The following SLC7A14 variants were observed in gnomAD, a reference collection of about 807,000 sequenced individuals.
SLC7A14 encodes the protein solute carrier family 7 member 14, also known as gamma-aminobutyric acid transporter SLC7A14.
Under a neutral mutation model 60.2 loss-of-function variants are expected in SLC7A14, and 37 were observed. That is an observed-to-expected ratio of 0.61 (90% CI 0.47 to 0.81). SLC7A14 has a LOEUF of 0.81. SLC7A14 is among the 30% of genes least tolerant of loss of function. SLC7A14 has a pLI of 0.00. For synonymous variants in SLC7A14, 399 were observed against 395.8 expected (o/e 1.01, Z -0.10); for missense variants, 886 against 982.7 (o/e 0.90, Z 1.32).
chr3:170,481,724 T>C (rs967935993), intron 6 of SLC7A14, among the ~76,000 whole-genome samples: 49 of 152,148 alleles, frequency 3.2e-4, no homozygotes, highest in Non-Finnish European at 3.7e-4. Flanking sequence ...TAAGGCAAAG[T>C]TCTTTAGTAA....
chr3:170,579,444 A>T (rs1715179708), intron 1 of SLC7A14, among the ~76,000 whole-genome samples: 2 of 152,364 alleles, frequency 1.3e-5, no homozygotes, highest in East Asian at 1.9e-4. Context: ...AAATTTTTTT[A>T]AAATGAAGAG....
At chr3:170,469,642 G>A (rs1449815070) in intron 7 of SLC7A14, among the ~76,000 whole-genome samples, 4 of 152,070 alleles carry the variant, frequency 2.6e-5, no homozygotes, top group African/African-American at 9.7e-5. Flanking sequence ...TGGATTTCAG[G>A]CGACCAGGCA....
intron 2 of SLC7A14, among the ~76,000 whole-genome samples, 165 bp from the exon 3 acceptor site, chr3:170,501,510 A>G (rs1040793525): frequency 6.6e-6 from 1 of 152,210 alleles, no homozygotes; most frequent in African/African-American, 2.4e-5. Flanking sequence ...ACCTCTTCCA[A>G]CCTCACTTCT....
At chr3:170,504,060 G>T (rs1712693189) in intron 2 of SLC7A14, among the ~76,000 whole-genome samples, 1 of 152,148 alleles carries the variant, frequency 6.6e-6, no homozygotes, top group Admixed American at 6.5e-5. Context: ...CACTGTAAAA[G>T]ATCTTATAAT....
At chr3:170,569,010 C>G (rs1354794588) in intron 1 of SLC7A14, among the ~76,000 whole-genome samples, 1 of 152,012 alleles carries the variant, frequency 6.6e-6, no homozygotes, top group Non-Finnish European at 1.5e-5. Context: ...ATTTCCTTCC[C>G]CTGCCTAATT....
chr3:170,481,114 C>T lies in SLC7A14; in HGVS notation c.1168G>A (p.Val390Met), dbSNP rs142416793. The change falls in exon 7 of 8, where the codon GTG becomes ATG. Residue 390 changes from valine to methionine, a missense_variant. By Grantham distance (21) the Val-to-Met change is conservative. Coordinates refer to ENST00000231706, the MANE Select transcript of SLC7A14 (RefSeq NM_020949.3). Reference sequence around the variant, plus strand: ...AGGAGCGCTGCCAGGAACCCCGACACGATGCAGGCCACCACTGGTGTCTCT... The same window carrying T: ...AGGAGCGCTGCCAGGAACCCCGACATGATGCAGGCCACCACTGGTGTCTCT... Reference protein sequence around the residue: ...YTETPVVACIVSGFLAALLAL... With the variant: ...YTETPVVACIMSGFLAALLAL... The T allele has an allele frequency of 6.8e-6, 11 of 1,613,886 alleles. No individual in the cohort carries two copies. The highest frequency in any genetic ancestry group is 5.3e-5 in the African/African-American group (4 of 74,878).
chr3:170,517,028 C>A (rs537579966), intron 2 of SLC7A14, among the ~76,000 whole-genome samples: 2 of 152,160 alleles, frequency 1.3e-5, no homozygotes, highest in East Asian at 3.9e-4. Flanking sequence ...AGCAAAACTG[C>A]TTGTTTAGTT....
chr3:170,581,881 C>G (rs1196511898), intron 1 of SLC7A14, among the ~76,000 whole-genome samples: 1 of 152,090 alleles, frequency 6.6e-6, no homozygotes, highest in African/African-American at 2.4e-5. Context: ...GACTCCAAGT[C>G]TTATATTCTT....
At chr3:170,540,575 T>C (rs1713992276) in intron 1 of SLC7A14, among the ~76,000 whole-genome samples, 1 of 152,156 alleles carries the variant, frequency 6.6e-6, no homozygotes, top group Non-Finnish European at 1.5e-5. Flanking sequence ...ATTTCTAGCT[T>C]CTGGTGTCTC....
At position 170,583,496 on chromosome 3, in the gene SLC7A14, A is replaced by G. The variant is rs184189123; in HGVS notation, c.-153+2415T>C. On this transcript the variant is annotated intron_variant, in intron 1 of 7. Transcript: ENST00000231706. ...AGTATGGAAGAGTATTTCAGACACC[A>G]TGAAATAGTGGGAAAGGCCCTGGGC... is the stretch of plus-strand genomic sequence containing the variant. Among the ~76,000 whole-genome samples the G allele has an allele frequency of 2.4e-3, 365 of 152,376 alleles. 10 individuals are homozygous for G. Among genetic ancestry groups the G allele is most frequent in the Admixed American group, 0.022 (330 of 15,308 alleles).
At chr3:170,483,846 A>G in intron 5 of SLC7A14, among the ~76,000 whole-genome samples, 1 of 152,188 alleles carries the variant, frequency 6.6e-6, no homozygotes, top group Non-Finnish European at 1.5e-5. Context: ...GAGAGCAGAT[A>G]TTTCTGGAAG....
At chr3:170,507,994 C>T (rs763441218) in intron 2 of SLC7A14, among the ~76,000 whole-genome samples, 7 of 152,170 alleles carry the variant, frequency 4.6e-5, no homozygotes, top group Non-Finnish European at 1.0e-4. Context: ...TGCAACTGAG[C>T]TCCAGATCTG....
chr3:170,547,756 G>A (rs1244787217), intron 1 of SLC7A14, among the ~76,000 whole-genome samples: 1 of 152,156 alleles, frequency 6.6e-6, no homozygotes, highest in Non-Finnish European at 1.5e-5. Flanking sequence ...AAAACCTAAT[G>A]TATCAGCGAT....
chr3:170,475,715 C>T (rs1470256688), intron 7 of SLC7A14, among the ~76,000 whole-genome samples: 2 of 151,860 alleles, frequency 1.3e-5, no homozygotes, highest in African/African-American at 2.4e-5. Flanking sequence ...TCAAAAATCA[C>T]ATTTCTTTTT....
chr3:170,509,674 G>A (rs1712904817), intron 2 of SLC7A14, among the ~76,000 whole-genome samples: 2 of 150,262 alleles, frequency 1.3e-5, no homozygotes, highest in South Asian at 4.2e-4. Flanking sequence ...GCCTGGTGTG[G>A]TGGTGCATGG....
At chr3:170,514,966 C>T (rs1170628983) in intron 2 of SLC7A14, among the ~76,000 whole-genome samples, 1 of 152,164 alleles carries the variant, frequency 6.6e-6, no homozygotes, top group Non-Finnish European at 1.5e-5. Flanking sequence ...TCCAAGATCT[C>T]AACAGGTTAT....
intron 2 of SLC7A14, among the ~76,000 whole-genome samples, chr3:170,514,821 G>A (rs1713099469): frequency 6.6e-6 from 1 of 152,154 alleles, no homozygotes; most frequent in African/African-American, 2.4e-5. Flanking sequence ...TCTTGGTAGT[G>A]GTGATAATAA....
At chr3:170,574,247 T>C (rs1414869291) in intron 1 of SLC7A14, among the ~76,000 whole-genome samples, 3 of 152,232 alleles carry the variant, frequency 2.0e-5, no homozygotes, top group Non-Finnish European at 4.4e-5. Context: ...TTTAGTTCAA[T>C]TGATTTAAAA....
At chr3:170,493,214 T>C (rs1365036976) in intron 4 of SLC7A14, among the ~76,000 whole-genome samples, 2 of 152,204 alleles carry the variant, frequency 1.3e-5, no homozygotes, top group African/African-American at 4.8e-5. Flanking sequence ...CCAGAGTTAC[T>C]TGATATAGGG....
Sources: allele counts gnomAD v4.1 joint callset (sites outside exome capture counted in the v4.1 genomes callset), GRCh38; gene constraint gnomAD v4.1.1; transcripts MANE v1.5; gene names NCBI Gene and HGNC (gene_info 2026-07-23, HGNC 2026-07-21).